PPP1CB: variants seen among roughly 807,000 people sequenced by gnomAD.
PPP1CB encodes the protein protein phosphatase 1 catalytic subunit beta, also known as serine/threonine-protein phosphatase PP1-beta catalytic subunit.
In PPP1CB, 2 loss-of-function variants were observed where a neutral mutation model predicts 43.7. The observed-to-expected ratio is 0.05, with a 90% confidence interval of 0.02 to 0.14. The LOEUF (loss-of-function observed/expected upper bound fraction) is 0.14, where lower values mean the gene tolerates loss of function less well. Ranked by LOEUF, PPP1CB falls within the 10% of genes least tolerant of loss-of-function variation. The pLI is 1.00. For missense variants in PPP1CB, 84 were observed against 398.0 expected (o/e 0.21, Z 6.71); for synonymous variants, 136 against 135.6 (o/e 1.00, Z -0.02).
Position 28,752,084 on chromosome 2 carries a change from C to T in PPP1CB, c.-41C>T. ...GCCGCAGCCTCCGCCGCCGAGAAGCCCTTGTTCCCGCTGCTGGGAAGGAGA... is the reference window on the plus strand; with the variant it reads ...GCCGCAGCCTCCGCCGCCGAGAAGCTCTTGTTCCCGCTGCTGGGAAGGAGA... On this transcript the variant is annotated 5_prime_UTR_variant, in exon 1 of 8. Coordinates refer to ENST00000395366, the MANE Select transcript of PPP1CB (RefSeq NM_002709.3). The T allele has an allele frequency of 3.2e-6, 5 of 1,546,396 alleles. No individual in the cohort carries two copies. Among genetic ancestry groups the T allele is most frequent in the Non-Finnish European group, 4.4e-6 (5 of 1,142,880 alleles).
At chr2:28,751,794 C>G (rs1054003920), upstream of PPP1CB, 5 of 419,176 alleles carry the variant, frequency 1.2e-5, no homozygotes, top group Non-Finnish European at 2.2e-5. Context: ...GTGAGTGGCG[C>G]TGCGGGTGGG....
At chr2:28,798,877 TATG>T (rs1251911780) in intron 7 of PPP1CB, among the ~76,000 whole-genome samples, 1 of 152,090 alleles carries the variant, frequency 6.6e-6, no homozygotes, top group African/African-American at 2.4e-5. Flanking sequence ...GTATCAGAAT[TATG>T]ATGACAACAT....
chr2:28,800,761 A>C lies in PPP1CB; in HGVS notation c.*1458A>C, dbSNP rs1042318287. 1 of 152,504 alleles carries C rather than the reference A, an allele frequency of 6.6e-6. No individual in the cohort carries two copies. The highest frequency in any genetic ancestry group is 1.5e-5 in the Non-Finnish European group (1 of 67,936). The allele number at this position is 152,504 out of a possible 1,614,324, so 9.4% of individuals were successfully genotyped here. ...GAGCATTGTCAAATTTGTAAGCTTCATAGGGATGGACATCATATCTATAAT... is the reference window on the plus strand; with the variant it reads ...GAGCATTGTCAAATTTGTAAGCTTCCTAGGGATGGACATCATATCTATAAT... On this transcript the variant is annotated 3_prime_UTR_variant, in exon 8 of 8. Transcript: ENST00000395366.
intron 7 of PPP1CB, among the ~76,000 whole-genome samples, chr2:28,797,012 G>A (rs190645369): frequency 9.3e-4 from 141 of 152,184 alleles, no homozygotes; most frequent in Non-Finnish European, 1.7e-3. Flanking sequence ...TGTATTGAAA[G>A]CCTTTCTGCA....
At chr2:28,755,014 C>G (rs1666451266) in intron 1 of PPP1CB, among the ~76,000 whole-genome samples, 1 of 151,864 alleles carries the variant, frequency 6.6e-6, no homozygotes, top group Admixed American at 6.6e-5. Context: ...TTTTGTTTTT[C>G]TTTTTTAGGT....
intron 7 of PPP1CB, among the ~76,000 whole-genome samples, chr2:28,798,981 T>C (rs1667552846): frequency 1.3e-5 from 2 of 151,998 alleles, no homozygotes; most frequent in African/African-American, 4.8e-5. Flanking sequence ...AAGGATTGGA[T>C]AGTTGATAGA....
At chr2:28,783,363 A>G (rs1208004079) in intron 4 of PPP1CB, among the ~76,000 whole-genome samples, 1 of 152,192 alleles carries the variant, frequency 6.6e-6, no homozygotes, top group Non-Finnish European at 1.5e-5. Flanking sequence ...TTTGAAATAT[A>G]AAGGAATTTC....
chr2:28,777,717 A>G (rs965064810), intron 2 of PPP1CB, among the ~76,000 whole-genome samples: 1 of 152,228 alleles, frequency 6.6e-6, no homozygotes, highest in Non-Finnish European at 1.5e-5. Flanking sequence ...CAATGGCACA[A>G]TCTTGGCTCA....
chr2:28,767,314 A>C (rs1235538445), intron 1 of PPP1CB, among the ~76,000 whole-genome samples: 1 of 151,958 alleles, frequency 6.6e-6, no homozygotes, highest in Non-Finnish European at 1.5e-5. Flanking sequence ...ATGAATTGGG[A>C]ATGCTGTGGT....
chr2:28,774,559 GAGATT>G (rs1666990269), intron 1 of PPP1CB, among the ~76,000 whole-genome samples: 1 of 152,010 alleles, frequency 6.6e-6, no homozygotes, highest in East Asian at 1.9e-4. Context: ...CCAAGTAGCT[GAGATT>G]ACAGGCACCC....
intron 1 of PPP1CB, among the ~76,000 whole-genome samples, chr2:28,761,288 C>A (rs553802034): frequency 1.3e-5 from 2 of 152,230 alleles, no homozygotes; most frequent in African/African-American, 4.8e-5. Context: ...TTGTGAATTT[C>A]GGACTCCCAA....
chr2:28,761,301 A>G (rs981173865), intron 1 of PPP1CB, among the ~76,000 whole-genome samples: 1 of 152,214 alleles, frequency 6.6e-6, no homozygotes, highest in Admixed American at 6.5e-5. Context: ...ACTCCCAACT[A>G]CTAGAATTAT....
Position 28,755,484 on chromosome 2 carries a change from A to C in PPP1CB, c.52+3308A>C, listed in dbSNP as rs187243690. The stretch of plus-strand genomic sequence containing the variant: ...TGGATTAACTTTTGCTTAGAACTAA[A>C]AACCAAAGACTTCTACTTTATCCCC... On this transcript the variant is annotated intron_variant, in intron 1 of 7. Coordinates refer to ENST00000395366, the MANE Select transcript of PPP1CB (RefSeq NM_002709.3). Among the ~76,000 whole-genome samples, 73 of 152,354 alleles carry C rather than the reference A, an allele frequency of 4.8e-4. 1 individual carries two copies. The highest frequency in any genetic ancestry group is 1.7e-3 in the African/African-American group (72 of 41,582).
chr2:28,788,956 C>A, intron 6 of PPP1CB, 147 bp downstream of exon 6: 1 of 801,326 alleles, frequency 1.2e-6, no homozygotes, highest in Non-Finnish European at 1.9e-6. Flanking sequence ...CTCCCGGGTT[C>A]AGGCAGTTCT....
intron 5 of PPP1CB, among the ~76,000 whole-genome samples, chr2:28,785,825 G>A (rs1027786735): frequency 4.6e-5 from 7 of 151,838 alleles, no homozygotes; most frequent in African/African-American, 1.2e-4. Context: ...AACACCCAAA[G>A]TGCTATTTTT....
upstream of PPP1CB, chr2:28,751,795 T>C: frequency 2.4e-6 from 1 of 416,788 alleles, no homozygotes; most frequent in Non-Finnish European, 4.4e-6. Context: ...TGAGTGGCGC[T>C]GCGGGTGGGG....
At chr2:28,766,734 A>G (rs971020675) in intron 1 of PPP1CB, among the ~76,000 whole-genome samples, 1 of 152,174 alleles carries the variant, frequency 6.6e-6, no homozygotes, top group Non-Finnish European at 1.5e-5. Flanking sequence ...TTTTGCTCCC[A>G]GTGTTCTCAA....
chr2:28,788,248 G>T (rs962699537), intron 5 of PPP1CB, among the ~76,000 whole-genome samples: 1 of 146,604 alleles, frequency 6.8e-6, no homozygotes, highest in African/African-American at 2.5e-5. Flanking sequence ...AAGTAAAATA[G>T]ACTAACAGAA....
chr2:28,775,995 C>G (rs552315328), intron 1 of PPP1CB, among the ~76,000 whole-genome samples: 1 of 151,920 alleles, frequency 6.6e-6, no homozygotes, highest in African/African-American at 2.4e-5. Flanking sequence ...TAGCTGATAT[C>G]TTTTTTGTAT....
Sources: allele counts gnomAD v4.1 joint callset (sites outside exome capture counted in the v4.1 genomes callset), GRCh38; gene constraint gnomAD v4.1.1; transcripts MANE v1.5; gene names NCBI Gene and HGNC (gene_info 2026-07-23, HGNC 2026-07-21).